LBHD1: variants seen among roughly 807,000 people sequenced by gnomAD.
The protein encoded by LBHD1 is LBH domain containing 1, also known as LBH domain-containing protein 1.
A neutral mutation model predicts 31.1 loss-of-function variants in LBHD1; 28 were observed. That is an observed-to-expected ratio of 0.90 (90% confidence interval 0.67 to 1.24). The LOEUF (loss-of-function observed/expected upper bound fraction) is 1.24, where lower values mean the gene tolerates loss of function less well. Among genes scored for constraint, LBHD1 ranks in the 50% most tolerant of loss-of-function variants. The pLI is 0.00. For missense variants in LBHD1, 350 were observed against 323.0 expected (o/e 1.08, Z -0.64); for synonymous variants, 105 against 116.5 (o/e 0.90, Z 0.63).
chr11:62,663,802 G>C (rs1184713906), intron 5 of LBHD1, among the ~76,000 whole-genome samples: 8 of 151,714 alleles, frequency 5.3e-5, no homozygotes, highest in Non-Finnish European at 4.4e-5. Flanking sequence ...ATCGGGGGCG[G>C]TGGCTTATGC....
intron 3 of LBHD1, 103 bp downstream of exon 3, chr11:62,669,538 G>A: frequency 6.6e-7 from 1 of 1,517,488 alleles, no homozygotes; most frequent in Non-Finnish European, 8.8e-7. Flanking sequence ...CACCTGCTGT[G>A]TGCCTGGCAC....
Position 62,669,938 on chromosome 11 carries a change from TG to T in LBHD1, c.93del (p.Asn32ThrfsTer37). On this transcript the variant is annotated frameshift_variant, in exon 2 of 7. Coordinates refer to ENST00000354588, the MANE Select transcript of LBHD1 (RefSeq NM_024099.5). LOFTEE classifies it high-confidence loss of function. ...ATTTTTCCTCTGTCCCAGAGAGGGT[TG>T]GGCAGCCTGGGACTTTCTGGATGCT... The part of the protein sequence containing the change: ...SSQHPESPRL[P>X]NPLWDRGKIG... 1 of 1,614,200 alleles carries T rather than the reference TG, an allele frequency of 6.2e-7. No individual in the cohort carries two copies. The highest frequency in any genetic ancestry group is 8.5e-7 in the Non-Finnish European group (1 of 1,180,042).
chr11:62,669,820 G>C lies in LBHD1; in HGVS notation c.151-17C>G. The C allele has an allele frequency of 1.2e-6, 2 of 1,614,230 alleles. No homozygotes were observed. The highest frequency in any genetic ancestry group is 1.1e-5 in the South Asian group (1 of 91,088). On this transcript the variant is annotated splice_polypyrimidine_tract_variant and intron_variant, in intron 2 of 6. Transcript: ENST00000354588. The stretch of plus-strand genomic sequence containing the variant: ...AGAGAAATCCTGAATAGGGACAGCA[G>C]GGAGGTTGGGCCAAACTGGAGGGTA...
At position 62,671,630 on chromosome 11, in the gene LBHD1, C is replaced by A; in HGVS notation, c.-77G>T. 3 of 1,499,346 alleles carry A rather than the reference C, an allele frequency of 2.0e-6. No homozygotes were observed. Among genetic ancestry groups the A allele is most frequent in the Non-Finnish European group, 1.8e-6 (2 of 1,129,806 alleles). 92.9% of individuals were successfully genotyped at this position (1,499,346 alleles called of 1,614,324 possible). On this transcript the variant is annotated 5_prime_UTR_variant, in exon 1 of 7. Transcript: ENST00000354588. ...AGGTCCTCTCTAGCCGGCCGCTTAT[C>A]TATGGTTTCTGCTATAGGGCGCTCT...
chr11:62,669,366 C>T (rs1382607382), intron 3 of LBHD1: 5 of 980,124 alleles, frequency 5.1e-6, no homozygotes, highest in Non-Finnish European at 6.0e-6. Flanking sequence ...CACTGCACTC[C>T]AGTCTGGGTG....
At position 62,665,911 on chromosome 11, in the gene LBHD1, C is replaced by G. The variant is rs562358156; in HGVS notation, c.539-938G>C. 7 of 1,613,152 alleles carry G rather than the reference C, an allele frequency of 4.3e-6. No individual in the cohort carries two copies. The Admixed American group carries it at 6.7e-5, about 15-fold the overall frequency. Reference sequence around the variant, plus strand: ...GCGCTGCGTCGAATGCTCCACTTGCCGAGCCTGATGATGGGGACGTGCCGC... The same window carrying G: ...GCGCTGCGTCGAATGCTCCACTTGCGGAGCCTGATGATGGGGACGTGCCGC... On this transcript the variant is annotated intron_variant, in intron 4 of 6. Coordinates refer to ENST00000354588, the MANE Select transcript of LBHD1 (RefSeq NM_024099.5).
intron 1 of LBHD1, 93 bp from the exon 2 acceptor site, chr11:62,670,134 C>G (rs1164071312): frequency 5.3e-6 from 7 of 1,323,520 alleles, no homozygotes; most frequent in Admixed American, 2.4e-5. Context: ...AGCCTGGCCC[C>G]TTAAGCACCG....
Position 62,666,884 on chromosome 11 carries a change from A to G in LBHD1, c.538+639T>C, listed in dbSNP as rs199971805. The G allele has an allele frequency of 1.4e-4, 225 of 1,614,052 alleles. No individual in the cohort carries two copies. Among genetic ancestry groups the G allele is most frequent in the Non-Finnish European group, 1.9e-4 (222 of 1,180,018 alleles). ...TTACCAGCTTCTATCAGAATGCTTG[A>G]GGGTTCTAAACCCTCAGGGGACCCT... On this transcript the variant is annotated intron_variant, in intron 4 of 6. Coordinates refer to ENST00000354588, the MANE Select transcript of LBHD1 (RefSeq NM_024099.5).
In LBHD1 at chr11:62,672,187, G is replaced by A. The variant is rs1944957736; in HGVS notation, c.-634C>T. The A allele has an allele frequency of 1.4e-6, 2 of 1,452,854 alleles. No individual in the cohort carries two copies. Among genetic ancestry groups the A allele is most frequent in the Admixed American group, 2.0e-5 (1 of 49,458 alleles). 90.0% of individuals were successfully genotyped at this position (1,452,854 alleles called of 1,614,324 possible). ...ATCCGAGGCAGCCTTTCTCCTTCGTGGGCCCAGCGGAGAGTCCGGACCGAG... is the reference window on the plus strand; with the variant it reads ...ATCCGAGGCAGCCTTTCTCCTTCGTAGGCCCAGCGGAGAGTCCGGACCGAG... On this transcript the variant is annotated 5_prime_UTR_variant, in exon 1 of 7. Transcript: ENST00000354588.
In LBHD1 at chr11:62,665,974, G is replaced by A. The variant is rs373978238; in HGVS notation, c.539-1001C>T. 11 of 1,594,594 alleles carry A rather than the reference G, an allele frequency of 6.9e-6. No homozygotes were observed. In the African/African-American group the frequency reaches 8.1e-5, roughly 12 times the overall value. ...AGGGAGGTGGGGGCAGAGTGGAGAG[G>A]GCAAGGTGGGGGCAGAGTGGGGAGG... On this transcript the variant is annotated intron_variant, in intron 4 of 6. Coordinates refer to ENST00000354588, the MANE Select transcript of LBHD1 (RefSeq NM_024099.5).
At chr11:62,664,497 A>AT (rs1944740898) in intron 5 of LBHD1, among the ~76,000 whole-genome samples, 2 of 151,696 alleles carry the variant, frequency 1.3e-5, no homozygotes, top group Non-Finnish European at 2.9e-5. Flanking sequence ...CGCCTGGCTA[A>AT]TTTTTGTATT....
intron 1 of LBHD1, 115 bp from the exon 2 acceptor site, chr11:62,670,156 C>T (rs1379923017): frequency 9.1e-7 from 1 of 1,094,694 alleles, no homozygotes; most frequent in Non-Finnish European, 1.3e-6. Context: ...CTGTGCTAAG[C>T]GATTATACGC....
chr11:62,666,638 C>T, intron 4 of LBHD1: 3 of 1,614,174 alleles, frequency 1.9e-6, no homozygotes, highest in South Asian at 2.2e-5. Flanking sequence ...AGTGGATGTG[C>T]TGGGGGTGGA....
At chr11:62,670,695 A>C (rs1173938384) in intron 1 of LBHD1, 1 of 152,236 alleles carries the variant, frequency 6.6e-6, no homozygotes, top group African/African-American at 2.4e-5. Flanking sequence ...GCGGATCACG[A>C]GGTCAGGAGT....
At chr11:62,667,135 A>T (rs1944841980) in intron 4 of LBHD1, 19 of 1,408,032 alleles carry the variant, frequency 1.3e-5, no homozygotes, top group Non-Finnish European at 1.6e-5. Flanking sequence ...TCTGGCTGCA[A>T]AGTGAGAATT....
intron 4 of LBHD1, chr11:62,665,333 G>T (rs563390035): frequency 1.1e-5 from 8 of 754,762 alleles, no homozygotes; most frequent in Non-Finnish European, 8.8e-6. Flanking sequence ...TGGTGAGCTA[G>T]TAAGTGTGGT....
intron 6 of LBHD1, 35 bp from the exon 7 acceptor site, chr11:62,663,194 T>C (rs1304205081): frequency 3.7e-6 from 6 of 1,613,760 alleles, no homozygotes; most frequent in Non-Finnish European, 5.1e-6. Flanking sequence ...TTATCCCAAA[T>C]AAATCCAGGA....
At chr11:62,665,679 C>G (rs1203855040) in intron 4 of LBHD1, 1 of 1,460,032 alleles carries the variant, frequency 6.8e-7, no homozygotes. Flanking sequence ...CCTCCACTTC[C>G]CGCTGCAGCC....
At chr11:62,666,059 T>A in intron 4 of LBHD1, 1 of 1,238,240 alleles carries the variant, frequency 8.1e-7, no homozygotes, top group Non-Finnish European at 1.1e-6. Context: ...TCTCAAACCC[T>A]ACGGTGGGCC....
Sources: allele counts gnomAD v4.1 joint callset (sites outside exome capture counted in the v4.1 genomes callset), GRCh38; gene constraint gnomAD v4.1.1; transcripts MANE v1.5; gene names NCBI Gene and HGNC (gene_info 2026-07-23, HGNC 2026-07-21).